TENT5A: variants seen among roughly 807,000 people sequenced by gnomAD.
The protein encoded by TENT5A is terminal nucleotidyltransferase 5A.
In TENT5A, 9 loss-of-function variants were observed where a neutral mutation model predicts 30.2. That is an observed-to-expected ratio of 0.30 (90% CI 0.18 to 0.52). The LOEUF is 0.52. Ranked by LOEUF, TENT5A falls within the 20% of genes least tolerant of loss-of-function variation. The probability of loss-of-function intolerance (pLI) is 0.97; values close to 1 mark genes in which losing one functional copy is unlikely to be tolerated. For missense variants in TENT5A, 411 were observed against 566.1 expected (o/e 0.73, Z 2.78); for synonymous variants, 264 against 234.2 (o/e 1.13, Z -1.16).
Position 81,752,161 on chromosome 6 carries a change from A to T in TENT5A, c.-20T>A. ...CGCCATGTAGTGCCCGCCGAGCGCC[A>T]CTTGGCCCTGGTCAGTCCTAAAAAG... On this transcript the variant is annotated 5_prime_UTR_variant, in exon 2 of 3. Transcript: ENST00000320172. 6.5e-7 allele frequency: 1 copy of T among 1,531,012 alleles called. No homozygotes were observed. Among genetic ancestry groups the T allele is most frequent in the Non-Finnish European group, 8.8e-7 (1 of 1,137,790 alleles). 94.8% of individuals were successfully genotyped at this position (1,531,012 alleles called of 1,614,324 possible).
Position 81,747,894 on chromosome 6 carries a change from G to A in TENT5A, c.*1801C>T, listed in dbSNP as rs939904445. ...TAGTAATGCCAGTTCATTTCACAAA[G>A]GTATAACTGGTATTTTTGTAAGAAA... On this transcript the variant is annotated 3_prime_UTR_variant, in exon 3 of 3. Coordinates refer to ENST00000320172, the MANE Select transcript of TENT5A (RefSeq NM_017633.3). 1 of 985,450 alleles carries A rather than the reference G, an allele frequency of 1.0e-6. No homozygotes were observed. Among genetic ancestry groups the A allele is most frequent in the African/African-American group, 1.7e-5 (1 of 57,204 alleles). 61.0% of individuals were successfully genotyped at this position (985,450 alleles called of 1,614,324 possible). A position where few individuals can be genotyped will look rare whatever the true frequency, so the allele number is the denominator to read the frequency against.
rs1322753837 is a variant in TENT5A at position 81,752,395 on chromosome 6, T to C, written c.-38+36A>G. On this transcript the variant is annotated intron_variant, in intron 1 of 2. Coordinates refer to ENST00000320172, the MANE Select transcript of TENT5A (RefSeq NM_017633.3). ...CCGCACCAAAAGTATCTCTGATGCA[T>C]CTGGAAAGCGCAAGCGAGAGTCCCG... 1.9e-6 allele frequency: 3 copies of C among 1,547,168 alleles called. No individual in the cohort carries two copies. The South Asian group carries it at 3.6e-5, about 18-fold the overall frequency.
Position 81,747,875 on chromosome 6 carries a change from T to C in TENT5A, c.*1820A>G. 1.0e-6 allele frequency: 1 copy of C among 985,806 alleles called. No individual in the cohort carries two copies. The highest frequency in any genetic ancestry group is 1.2e-6 in the Non-Finnish European group (1 of 829,902). 61.1% of individuals were successfully genotyped at this position (985,806 alleles called of 1,614,324 possible). Reference sequence around the variant, plus strand: ...AGCTGTTATTGAACTGAAATAGTAATGCCAGTTCATTTCACAAAGGTATAA... The same window carrying C: ...AGCTGTTATTGAACTGAAATAGTAACGCCAGTTCATTTCACAAAGGTATAA... On this transcript the variant is annotated 3_prime_UTR_variant, in exon 3 of 3. Transcript: ENST00000320172.
intron 1 of TENT5A, 103 bp from the exon 2 acceptor site, chr6:81,752,281 CG>C: frequency 6.7e-7 from 1 of 1,503,044 alleles, no homozygotes; most frequent in Non-Finnish European, 8.9e-7. Context: ...CCCCCTCCCC[CG>C]ATAGTTCCCT....
In TENT5A at chr6:81,750,487, TA is replaced by T; in HGVS notation, c.553-17del. 7.0e-7 allele frequency: 1 copy of T among 1,425,414 alleles called. No homozygotes were observed. Among genetic ancestry groups the T allele is most frequent in the Non-Finnish European group, 9.5e-7 (1 of 1,057,172 alleles). 88.3% of individuals were successfully genotyped at this position (1,425,414 alleles called of 1,614,324 possible). On this transcript the variant is annotated splice_polypyrimidine_tract_variant and intron_variant, in intron 2 of 2. Transcript: ENST00000320172. The surrounding 1 kb of genome is among the most constrained non-coding windows in gnomAD (Gnocchi z 4.2). The stretch of plus-strand genomic sequence containing the variant: ...CATAAGCTTCCTACAATTTAAAAGA[TA>T]AAACAAAATGAGCAAACCTAGAAAA...
At position 81,746,067 on chromosome 6, in the gene TENT5A, T is replaced by G. The variant is rs1214432507; in HGVS notation, c.*3628A>C. 1.0e-6 allele frequency: 1 copy of G among 985,584 alleles called. No homozygotes were observed. The highest frequency in any genetic ancestry group is 1.7e-5 in the African/African-American group (1 of 57,254). 61.1% of individuals were successfully genotyped at this position (985,584 alleles called of 1,614,324 possible). On this transcript the variant is annotated 3_prime_UTR_variant, in exon 3 of 3. Coordinates refer to ENST00000320172, the MANE Select transcript of TENT5A (RefSeq NM_017633.3). ...ATCTTCCAACTTTGTACTTTACCAT[T>G]TGCTTTGTTAGAAAGCCATTATTTT...
chr6:81,749,290 G>A lies in TENT5A; in HGVS notation c.*405C>T, dbSNP rs745444450. Reference sequence around the variant, plus strand: ...GTTGGAGTGAGACCTTTTTTCCTCCGTATTTTCCCTTTTATGAATTCCATC... The same window carrying A: ...GTTGGAGTGAGACCTTTTTTCCTCCATATTTTCCCTTTTATGAATTCCATC... On this transcript the variant is annotated 3_prime_UTR_variant, in exon 3 of 3. Coordinates refer to ENST00000320172, the MANE Select transcript of TENT5A (RefSeq NM_017633.3). 7.2e-5 allele frequency: 72 copies of A among 994,744 alleles called. No homozygotes were observed. The highest frequency in any genetic ancestry group is 1.1e-4 in the East Asian group (1 of 9,288). The allele number at this position is 994,744 out of a possible 1,614,324, so 61.6% of individuals were successfully genotyped here.
rs1390337760 is a variant in TENT5A, at chr6:81,752,646, C to A, written c.-253G>T. On this transcript the variant is annotated 5_prime_UTR_variant, in exon 1 of 3. Transcript: ENST00000320172. ...CCCGAACTGGCGGCTCTTGCTGCCA[C>A]ACACGCTCGTGTCTCTGGAGCTTTA... 1.4e-6 allele frequency: 1 copy of A among 718,598 alleles called. No homozygotes were observed. Among genetic ancestry groups the A allele is most frequent in the Non-Finnish European group, 2.6e-6 (1 of 386,166 alleles). 44.5% of individuals were successfully genotyped at this position (718,598 alleles called of 1,614,324 possible).
Position 81,751,786 on chromosome 6 carries a change from C to A in TENT5A, c.356G>T (p.Arg119Leu), listed in dbSNP as rs1389563786. The A allele has an allele frequency of 3.7e-6, 6 of 1,612,838 alleles. No individual in the cohort carries two copies. The highest frequency in any genetic ancestry group is 5.1e-6 in the Non-Finnish European group (6 of 1,179,856). Residue 119 changes from arginine (R) to leucine (L), a missense_variant, in exon 2 of 3, where the codon CGC becomes CTC. Arg to Leu is a moderately radical substitution (Grantham distance 102, BLOSUM62 -2). Around this residue, in one of 5 missense-constraint regions of TENT5A, gnomAD observed 157 missense variants for 183.2 expected, o/e 0.86. Transcript: ENST00000320172. ...ATGGCTGGCTGCCGAGCCGTTGAGG[C>A]GCACGTCGCGGACGCCAATGCGCTT... is the stretch of plus-strand genomic sequence containing the variant. ...AEKRIGVRDVRLNGSAASHVL... is the reference protein window; with the variant it reads ...AEKRIGVRDVLLNGSAASHVL...
Position 81,746,797 on chromosome 6 carries a change from CCAGA to C in TENT5A, c.*2894_*2897del. On this transcript the variant is annotated 3_prime_UTR_variant, in exon 3 of 3. Coordinates refer to ENST00000320172, the MANE Select transcript of TENT5A (RefSeq NM_017633.3). The stretch of plus-strand genomic sequence containing the variant: ...GACCTATACACATGGCTCTCTCTCA[CCAGA>C]CATTCAAATTTTTAGGCCGCACATC... 1 of 1,201,744 alleles carries C rather than the reference CCAGA, an allele frequency of 8.3e-7. No individual in the cohort carries two copies. 74.4% of individuals were successfully genotyped at this position (1,201,744 alleles called of 1,614,324 possible).
Position 81,747,839 on chromosome 6 carries a change from G to A in TENT5A, c.*1856C>T, listed in dbSNP as rs77499714. 3.3e-4 allele frequency: 322 copies of A among 985,786 alleles called. 2 individuals carry two copies. The East Asian group carries it at 0.014, about 42-fold the overall frequency. 61.1% of individuals were successfully genotyped at this position (985,786 alleles called of 1,614,324 possible). A position where few individuals can be genotyped will look rare whatever the true frequency, so the allele number is the denominator to read the frequency against. On this transcript the variant is annotated 3_prime_UTR_variant, in exon 3 of 3. Coordinates refer to ENST00000320172, the MANE Select transcript of TENT5A (RefSeq NM_017633.3). ...GAACTACTGGCTAGGAGAAAGGGTG[G>A]TTTTAGGATTAGCTGTTATTGAACT...
intron 1 of TENT5A, 57 bp from the exon 2 acceptor site, chr6:81,752,235 G>T (rs564779249): frequency 7.4e-7 from 1 of 1,344,538 alleles, no homozygotes. Context: ...GAGCACGCGC[G>T]GCGGCGGAGA....
rs921679049 is a variant in TENT5A, at chr6:81,746,582, T to G, written c.*3113A>C. The stretch of plus-strand genomic sequence containing the variant: ...TGAGGCAGCTGGATTTACTGCAAAT[T>G]AAGTAAACCTTTAAAAACGGCATTG... On this transcript the variant is annotated 3_prime_UTR_variant, in exon 3 of 3. Transcript: ENST00000320172. 10 of 1,231,972 alleles carry G rather than the reference T, an allele frequency of 8.1e-6. No individual in the cohort carries two copies. The highest frequency in any genetic ancestry group is 9.1e-6 in the Non-Finnish European group (9 of 987,920). 76.3% of individuals were successfully genotyped at this position (1,231,972 alleles called of 1,614,324 possible). A position where few individuals can be genotyped will look rare whatever the true frequency, so the allele number is the denominator to read the frequency against.
At position 81,749,484 on chromosome 6, in the gene TENT5A, T is replaced by C. The variant is rs1478547671; in HGVS notation, c.*211A>G. ...GATAGAATCCAATTGGGTAGGAGAA[T>C]AAGAGAAGGGAAAAGGATCCTTTCG... On this transcript the variant is annotated 3_prime_UTR_variant, in exon 3 of 3. Coordinates refer to ENST00000320172, the MANE Select transcript of TENT5A (RefSeq NM_017633.3). 2.3e-6 allele frequency: 3 copies of C among 1,327,578 alleles called. No homozygotes were observed. The highest frequency in any genetic ancestry group is 3.0e-5 in the African/African-American group (2 of 66,656). The allele number at this position is 1,327,578 out of a possible 1,614,324, so 82.2% of individuals were successfully genotyped here.
At chr6:81,751,549 CA>C in intron 2 of TENT5A, 40 bp downstream of exon 2, 2 of 1,543,410 alleles carry the variant, frequency 1.3e-6, no homozygotes, top group Non-Finnish European at 1.8e-6. Flanking sequence ...ACACCCGGCC[CA>C]GACTGGGTCA....
rs1397143179 is a variant in TENT5A at position 81,746,599 on chromosome 6, A to C, written c.*3096T>G. On this transcript the variant is annotated 3_prime_UTR_variant, in exon 3 of 3. Coordinates refer to ENST00000320172, the MANE Select transcript of TENT5A (RefSeq NM_017633.3). ...CTGCAAATTAAGTAAACCTTTAAAA[A>C]CGGCATTGTCACAGGCTATGTGTTC... 4 of 1,231,946 alleles carry C rather than the reference A, an allele frequency of 3.2e-6. No homozygotes were observed. Among genetic ancestry groups the C allele is most frequent in the Non-Finnish European group, 4.0e-6 (4 of 987,906 alleles). 76.3% of individuals were successfully genotyped at this position (1,231,946 alleles called of 1,614,324 possible). A position where few individuals can be genotyped will look rare whatever the true frequency, so the allele number is the denominator to read the frequency against.
Position 81,747,211 on chromosome 6 carries a change from T to C in TENT5A, c.*2484A>G. On this transcript the variant is annotated 3_prime_UTR_variant, in exon 3 of 3. Transcript: ENST00000320172. ...GAAAGCAGATCACCAGCTGCTCCTG[T>C]GTTCACAAGTGCTCCCCTAGTTTTC... The C allele has an allele frequency of 4.1e-6, 4 of 985,476 alleles. No individual in the cohort carries two copies. Among genetic ancestry groups the C allele is most frequent in the Non-Finnish European group, 4.8e-6 (4 of 829,916 alleles). The allele number at this position is 985,476 out of a possible 1,614,324, so 61.0% of individuals were successfully genotyped here. A position where few individuals can be genotyped will look rare whatever the true frequency, so the allele number is the denominator to read the frequency against.
Position 81,748,423 on chromosome 6 carries a change from G to A in TENT5A, c.*1272C>T, listed in dbSNP as rs1229734186. 1.0e-6 allele frequency: 1 copy of A among 979,386 alleles called. No individual in the cohort carries two copies. Among genetic ancestry groups the A allele is most frequent in the Non-Finnish European group, 1.2e-6 (1 of 826,334 alleles). The allele number at this position is 979,386 out of a possible 1,614,324, so 60.7% of individuals were successfully genotyped here. ...AAGAAAAAAAAATCCCACTAAAACA[G>A]TATAATTTCTGCTCTTCCTATGAAA... On this transcript the variant is annotated 3_prime_UTR_variant, in exon 3 of 3. Transcript: ENST00000320172.
intron 1 of TENT5A, 34 bp from the exon 2 acceptor site, chr6:81,752,212 GC>G (rs779757777): frequency 1.9e-5 from 24 of 1,255,978 alleles, no homozygotes; most frequent in African/African-American, 4.4e-5. Flanking sequence ...CGGTGAGGAC[GC>G]GCGGCGGCGG....
Sources: allele counts gnomAD v4.1 joint callset, GRCh38; gene constraint gnomAD v4.1.1; regional missense constraint gnomAD v4.1.1; non-coding constraint Gnocchi (gnomAD v3.1); transcripts MANE v1.5; gene names NCBI Gene and HGNC (gene_info 2026-07-23, HGNC 2026-07-21).